Variants in PRKD2 observed in about 807,000 individuals in gnomAD.
PRKD2 encodes protein kinase D2.
PRKD2 carries 22 observed loss-of-function variants against 86.0 expected under a neutral mutation model. The observed-to-expected ratio is 0.26, with a 90% CI of 0.18 to 0.37. The LOEUF is 0.37. Ranked by LOEUF, PRKD2 falls within the 10% of genes least tolerant of loss-of-function variation. PRKD2 has a pLI of 1.00. For missense variants in PRKD2, 818 were observed against 1,199.2 expected (o/e 0.68, Z 4.70); for synonymous variants, 509 against 510.9 (o/e 1.00, Z 0.05).
chr19:46,707,963 T>C (rs990334999), intron 3 of PRKD2, among the ~76,000 whole-genome samples: 2 of 151,918 alleles, frequency 1.3e-5, no homozygotes, highest in Admixed American at 1.3e-4. Context: ...CGGGCAGTAA[T>C]GGTGTGTGCC....
At chr19:46,707,317 C>T (rs1216098873) in intron 3 of PRKD2, among the ~76,000 whole-genome samples, 5 of 152,004 alleles carry the variant, frequency 3.3e-5, no homozygotes, top group African/African-American at 4.8e-5. Flanking sequence ...AAAATGGAGG[C>T]GCATGGGGCC....
In PRKD2 at chr19:46,678,681, T is replaced by G. The variant is rs748276771; in HGVS notation, c.2071-18A>C. ...AGCTTCACCTGCAGAGGGCAAGGGA[T>G]GGAGGCTCCACCAGGTGATGGAGCC... On this transcript the variant is annotated intron_variant, in intron 15 of 17. Coordinates refer to ENST00000291281, the MANE Select transcript of PRKD2 (RefSeq NM_016457.5). The surrounding 1 kb of genome is among the most constrained non-coding windows in gnomAD (Gnocchi z 5.7). The G allele has an allele frequency of 1.1e-5, 18 of 1,595,994 alleles. No homozygotes were observed. Among genetic ancestry groups the G allele is most frequent in the Non-Finnish European group, 1.4e-5 (17 of 1,175,950 alleles).
In PRKD2 at chr19:46,713,848, G is replaced by A. The variant is rs1478409159; in HGVS notation, c.379+15C>T. On this transcript the variant is annotated intron_variant, in intron 2 of 17. Transcript: ENST00000291281. Reference sequence around the variant, plus strand: ...CACCCGAGGCCCCGCCCCCAGGCCGGCCACCACCTCTCACCCGACAGCACC... The same window carrying A: ...CACCCGAGGCCCCGCCCCCAGGCCGACCACCACCTCTCACCCGACAGCACC... 2.0e-6 allele frequency: 3 copies of A among 1,516,120 alleles called. No individual in the cohort carries two copies. Among genetic ancestry groups the A allele is most frequent in the East Asian group, 2.4e-5 (1 of 41,530 alleles). 93.9% of individuals were successfully genotyped at this position (1,516,120 alleles called of 1,614,324 possible).
At chr19:46,694,210 C>A (rs985703291) in intron 9 of PRKD2, 77 bp from the exon 10 acceptor site, 68 of 1,554,028 alleles carry the variant, frequency 4.4e-5, no homozygotes, top group Non-Finnish European at 5.9e-5. Context: ...GAAGGATACA[C>A]GGGATCCATG....
intron 12 of PRKD2, 35 bp downstream of exon 12, chr19:46,691,700 G>C (rs758066730): frequency 6.2e-7 from 1 of 1,606,192 alleles, no homozygotes; most frequent in Admixed American, 1.7e-5. Context: ...CCCCAGCCCG[G>C]GGCTCCCTCT....
intron 14 of PRKD2, among the ~76,000 whole-genome samples, chr19:46,684,484 G>A (rs979896437): frequency 2.0e-5 from 3 of 151,870 alleles, no homozygotes; most frequent in Non-Finnish European, 4.4e-5. Flanking sequence ...ACCACACCTG[G>A]CTAATTTTTG....
intron 14 of PRKD2, among the ~76,000 whole-genome samples, chr19:46,683,703 G>C (rs1345433583): frequency 6.6e-6 from 1 of 152,046 alleles, no homozygotes; most frequent in Non-Finnish European, 1.5e-5. Flanking sequence ...GGGCGACAGA[G>C]TGAGATGCCA....
At chr19:46,687,794 A>T (rs2053422834) in intron 14 of PRKD2, among the ~76,000 whole-genome samples, 1 of 152,210 alleles carries the variant, frequency 6.6e-6, no homozygotes, top group African/African-American at 2.4e-5. Flanking sequence ...GGGACCAAGC[A>T]CAGAGCAGGG....
At chr19:46,691,500 G>A (rs1206095964) in intron 12 of PRKD2, among the ~76,000 whole-genome samples, 1 of 152,202 alleles carries the variant, frequency 6.6e-6, no homozygotes, top group African/African-American at 2.4e-5. Flanking sequence ...TGACCAATCA[G>A]AGTGCCGAAT....
chr19:46,688,780 T>C (rs2053438363), intron 14 of PRKD2: 1 of 152,104 alleles, frequency 6.6e-6, no homozygotes, highest in African/African-American at 2.4e-5. Flanking sequence ...ATTTTTCTTT[T>C]TTCTTTCTTT....
chr19:46,705,327 C>T (rs1328766425), intron 3 of PRKD2, among the ~76,000 whole-genome samples: 1 of 152,016 alleles, frequency 6.6e-6, no homozygotes, highest in African/African-American at 2.4e-5. Flanking sequence ...TCTGAGGCCC[C>T]TTTGGTTCCC....
At chr19:46,715,236 T>A (rs756248862) in intron 1 of PRKD2, among the ~76,000 whole-genome samples, 3 of 151,888 alleles carry the variant, frequency 2.0e-5, no homozygotes, top group Non-Finnish European at 4.4e-5. Flanking sequence ...AAGGACCTCA[T>A]CCATCCAGCA....
rs369116656 is a variant in PRKD2 at position 46,700,341 on chromosome 19, A to G, written c.1121+458T>C. On this transcript the variant is annotated intron_variant, in intron 7 of 17. Transcript: ENST00000291281. ...GAGTTTGAGGTTACAGTGAGCCACA[A>G]TCACACCACTGCACTCCAGTGGGCA... 3.3e-5 allele frequency among the ~76,000 whole-genome samples: 5 copies of G among 151,992 alleles called. No homozygotes were observed. The East Asian group carries it at 5.8e-4, about 18-fold the overall frequency.
At chr19:46,703,154 C>G (rs2053657948) in intron 5 of PRKD2, among the ~76,000 whole-genome samples, 1 of 152,166 alleles carries the variant, frequency 6.6e-6, no homozygotes, top group Non-Finnish European at 1.5e-5. Flanking sequence ...TTCTCATGCT[C>G]TGAGAGTCTA....
intron 2 of PRKD2, 63 bp from the exon 3 acceptor site, chr19:46,711,101 A>G: frequency 2.0e-6 from 3 of 1,512,336 alleles, no homozygotes; most frequent in Non-Finnish European, 2.7e-6. Context: ...TCCAGACCCC[A>G]CGTTCCCTGA....
At chr19:46,683,154 G>C (rs1009037026) in intron 14 of PRKD2, among the ~76,000 whole-genome samples, 3 of 144,492 alleles carry the variant, frequency 2.1e-5, no homozygotes, top group Non-Finnish European at 4.5e-5. Flanking sequence ...CCACCATGTC[G>C]GGCTTTGATT....
chr19:46,705,291 C>T (rs1160210707), intron 3 of PRKD2, among the ~76,000 whole-genome samples: 1 of 152,114 alleles, frequency 6.6e-6, no homozygotes, highest in Non-Finnish European at 1.5e-5. Flanking sequence ...ACACCTGTTC[C>T]CCCTTCTAAC....
rs1309243842 is a variant in PRKD2 at position 46,693,584 on chromosome 19, GCAC to G, written c.1576+288_1576+290del. The stretch of plus-strand genomic sequence containing the variant: ...TCCAAGTACCTGGAACTACAGGTGT[GCAC>G]CACCACACCTGGCTAATTGTTTTTA... On this transcript the variant is annotated intron_variant, in intron 10 of 17. Coordinates refer to ENST00000291281, the MANE Select transcript of PRKD2 (RefSeq NM_016457.5). The surrounding 1 kb of genome is among the most constrained non-coding windows in gnomAD (Gnocchi z 4.5). Among the ~76,000 whole-genome samples the G allele has an allele frequency of 6.6e-6, 1 of 152,102 alleles. No individual in the cohort carries two copies. The highest frequency in any genetic ancestry group is 2.4e-5 in the African/African-American group (1 of 41,426).
intron 3 of PRKD2, chr19:46,710,686 T>A: frequency 1.4e-4 from 59 of 422,272 alleles, no homozygotes; most frequent in Middle Eastern, 7.3e-4. Flanking sequence ...CTCCACCTCC[T>A]AGGCTCCGCC....
Sources: allele counts gnomAD v4.1 joint callset (sites outside exome capture counted in the v4.1 genomes callset), GRCh38; gene constraint gnomAD v4.1.1; non-coding constraint Gnocchi (gnomAD v3.1); transcripts MANE v1.5; gene names NCBI Gene and HGNC (gene_info 2026-07-23, HGNC 2026-07-21).